The following ART4 variants were observed in gnomAD, a reference collection of about 807,000 sequenced individuals.
The protein encoded by ART4 is ecto-ADP-ribosyltransferase 4.
In ART4, 14 loss-of-function variants were observed where a neutral mutation model predicts 24.2. The observed-to-expected ratio is 0.58, with a 90% CI of 0.38 to 0.90. The LOEUF is 0.90. ART4 is among the 40% of genes least tolerant of loss of function. ART4 has a pLI of 0.00. For synonymous variants in ART4, 145 were observed against 139.9 expected (o/e 1.04, Z -0.26); for missense variants, 356 against 366.6 (o/e 0.97, Z 0.24).
In ART4 at chr12:14,828,549, G is replaced by A. The variant is rs1202534137; in HGVS notation, c.*822C>T. 2 of 151,930 alleles carry A rather than the reference G, an allele frequency of 1.3e-5. No homozygotes were observed. The highest frequency in any genetic ancestry group is 4.8e-5 in the African/African-American group (2 of 41,336). The allele number at this position is 151,930 out of a possible 1,614,324, so 9.4% of individuals were successfully genotyped here. A position where few individuals can be genotyped will look rare whatever the true frequency, so the allele number is the denominator to read the frequency against. ...AATCTCTGGGGTTCAAAGCTTTTCTGTTTGGTGAAGAATTTGTCCTTTGCT... is the reference window on the plus strand; with the variant it reads ...AATCTCTGGGGTTCAAAGCTTTTCTATTTGGTGAAGAATTTGTCCTTTGCT... On this transcript the variant is annotated 3_prime_UTR_variant, in exon 3 of 3. Coordinates refer to ENST00000228936, the MANE Select transcript of ART4 (RefSeq NM_021071.4).
rs1450568693 is a variant in ART4 at position 14,828,398 on chromosome 12, C to T, written c.*973G>A. The T allele has an allele frequency of 6.6e-6, 1 of 152,174 alleles. No homozygotes were observed. Among genetic ancestry groups the T allele is most frequent in the Non-Finnish European group, 1.5e-5 (1 of 68,034 alleles). The allele number at this position is 152,174 out of a possible 1,614,324, so 9.4% of individuals were successfully genotyped here. ...CCATTACTGCTGGTGAATGAAATTTCACTAACATCTTTCATTAACTTTCCC... is the reference window on the plus strand; with the variant it reads ...CCATTACTGCTGGTGAATGAAATTTTACTAACATCTTTCATTAACTTTCCC... On this transcript the variant is annotated 3_prime_UTR_variant, in exon 3 of 3. Coordinates refer to ENST00000228936, the MANE Select transcript of ART4 (RefSeq NM_021071.4).
At chr12:14,836,396 GCTA>G (rs1439664920) in intron 2 of ART4, among the ~76,000 whole-genome samples, 2 of 151,938 alleles carry the variant, frequency 1.3e-5, no homozygotes, top group Non-Finnish European at 2.9e-5. Context: ...AACCGAGAGG[GCTA>G]CTAAGTGACT....
In ART4 at chr12:14,842,988, TC is replaced by T; in HGVS notation, c.125del (p.Arg42AsnfsTer36). On this transcript the variant is annotated frameshift_variant, in exon 1 of 3. Coordinates refer to ENST00000228936, the MANE Select transcript of ART4 (RefSeq NM_021071.4). LOFTEE classifies it high-confidence loss of function. The part of the protein sequence containing the change: ...PFLLLLSGLQ[R>X]PTEGSEVAIK... ...CCCCTACCTCAGAACCCTCTGTGGG[TC>T]TCTGCAGGCCAGAGAGGAGCAGCAG... 6 of 1,613,084 alleles carry T rather than the reference TC, an allele frequency of 3.7e-6. No individual in the cohort carries two copies. The highest frequency in any genetic ancestry group is 3.4e-6 in the Non-Finnish European group (4 of 1,179,598).
rs1040367379 is a variant in ART4 at position 14,828,051 on chromosome 12, G to A, written c.*1320C>T. 2 of 152,138 alleles carry A rather than the reference G, an allele frequency of 1.3e-5. No individual in the cohort carries two copies. Among genetic ancestry groups the A allele is most frequent in the African/African-American group, 2.4e-5 (1 of 41,422 alleles). The allele number at this position is 152,138 out of a possible 1,614,324, so 9.4% of individuals were successfully genotyped here. On this transcript the variant is annotated 3_prime_UTR_variant, in exon 3 of 3. Coordinates refer to ENST00000228936, the MANE Select transcript of ART4 (RefSeq NM_021071.4). ...ACCAGGGTCTTCAGTGATCGTGATC[G>A]GGTTAAATAATCCCTTATGTCGCTA...
In ART4 at chr12:14,826,604, A is replaced by G; in HGVS notation, c.*2767T>C. ...CTCAGAAAATTATGACTTCTCATGG[A>G]AATCAAATGCTTTTGGCTGACTTTT... On this transcript the variant is annotated 3_prime_UTR_variant, in exon 3 of 3. Coordinates refer to ENST00000228936, the MANE Select transcript of ART4 (RefSeq NM_021071.4). 1 of 152,238 alleles carries G rather than the reference A, an allele frequency of 6.6e-6. No individual in the cohort carries two copies. The allele number at this position is 152,238 out of a possible 1,614,324, so 9.4% of individuals were successfully genotyped here.
intron 2 of ART4, among the ~76,000 whole-genome samples, chr12:14,832,982 A>G (rs1017293950): frequency 1.3e-5 from 2 of 152,188 alleles, no homozygotes; most frequent in Admixed American, 6.5e-5. Context: ...ATTACAAACT[A>G]AAGTTTTATT....
intron 2 of ART4, among the ~76,000 whole-genome samples, chr12:14,835,753 G>A (rs976480103): frequency 6.6e-6 from 1 of 151,722 alleles, no homozygotes; most frequent in African/African-American, 2.4e-5. Context: ...TTACAGGCTC[G>A]TGCCACCACT....
At chr12:14,839,646 C>A (rs914591038) in intron 2 of ART4, among the ~76,000 whole-genome samples, 1 of 152,176 alleles carries the variant, frequency 6.6e-6, no homozygotes, top group South Asian at 2.1e-4. Flanking sequence ...CCAATCATCT[C>A]TTATTAGGAA....
At chr12:14,829,724 T>C (rs1950381436) in intron 2 of ART4, among the ~76,000 whole-genome samples, 1 of 152,196 alleles carries the variant, frequency 6.6e-6, no homozygotes, top group Non-Finnish European at 1.5e-5. Flanking sequence ...TCCATCTTTA[T>C]CATCACCAGC....
chr12:14,838,742 C>T (rs905495557), intron 2 of ART4, among the ~76,000 whole-genome samples: 2 of 152,140 alleles, frequency 1.3e-5, no homozygotes, highest in African/African-American at 4.8e-5. Context: ...ACTTTTGCAA[C>T]ACTACTGCCC....
chr12:14,829,523 A>G, intron 2 of ART4, 61 bp from the exon 3 acceptor site: 1 of 1,162,638 alleles, frequency 8.6e-7, no homozygotes, highest in Non-Finnish European at 1.3e-6. Context: ...AAACTACCTC[A>G]TCTATCCATT....
rs1592247254 is a variant in ART4, at chr12:14,829,391, A to G, written c.925T>C (p.Phe309Leu). The G allele has an allele frequency of 6.3e-7, 1 of 1,597,006 alleles. No homozygotes were observed. The highest frequency in any genetic ancestry group is 2.3e-5 in the East Asian group (1 of 44,280). Residue 309 changes from phenylalanine to leucine, a missense_variant, in exon 3 of 3, where the codon TTT becomes CTT. Coordinates refer to ENST00000228936, the MANE Select transcript of ART4 (RefSeq NM_021071.4). ...TTTCTTTATACTCTGCTTTTGGAAA[A>G]GATGATGACACTGGTCAAAAAGGAG... Reference protein sequence around the residue: ...SLSFLTSVIIFSKSRV With the variant: ...SLSFLTSVIILSKSRV
At chr12:14,838,890 A>G (rs1950447421) in intron 2 of ART4, among the ~76,000 whole-genome samples, 1 of 148,254 alleles carries the variant, frequency 6.7e-6, no homozygotes, top group East Asian at 1.9e-4. Flanking sequence ...AAATTTACAT[A>G]TGAACAGTCT....
In ART4 at chr12:14,825,824, G is replaced by A. The variant is rs529694303; in HGVS notation, c.*3547C>T. The A allele has an allele frequency of 9.2e-5, 14 of 152,088 alleles. No homozygotes were observed. Among genetic ancestry groups the A allele is most frequent in the Non-Finnish European group, 1.3e-4 (9 of 68,002 alleles). 9.4% of individuals were successfully genotyped at this position (152,088 alleles called of 1,614,324 possible). On this transcript the variant is annotated 3_prime_UTR_variant, in exon 3 of 3. Transcript: ENST00000228936. ...AGAACTTCAGGATAATCTAATAGGC[G>A]TATTAAAGAGAACACCTTGTTATAA...
chr12:14,829,619 T>C (rs1950380767), intron 2 of ART4, among the ~76,000 whole-genome samples, 157 bp from the exon 3 acceptor site: 1 of 152,216 alleles, frequency 6.6e-6, no homozygotes, highest in African/African-American at 2.4e-5. Flanking sequence ...TTTTCTAACA[T>C]AACTTGCTTA....
intron 1 of ART4, among the ~76,000 whole-genome samples, chr12:14,841,941 C>A (rs1863057486): frequency 6.6e-6 from 1 of 152,160 alleles, no homozygotes; most frequent in Non-Finnish European, 1.5e-5. Flanking sequence ...TTGTTTTTTC[C>A]CATGTTACCA....
chr12:14,834,295 C>T (rs1489968340), intron 2 of ART4, among the ~76,000 whole-genome samples: 1 of 151,964 alleles, frequency 6.6e-6, no homozygotes, highest in African/African-American at 2.4e-5. Flanking sequence ...TGTGATGCCA[C>T]AAATAGGGTA....
At chr12:14,839,857 G>C (rs1950454561) in intron 2 of ART4, among the ~76,000 whole-genome samples, 1 of 152,142 alleles carries the variant, frequency 6.6e-6, no homozygotes, top group Non-Finnish European at 1.5e-5. Flanking sequence ...CACTTTTCCT[G>C]GAGAGAATGA....
At chr12:14,834,334 G>T (rs1028916216) in intron 2 of ART4, among the ~76,000 whole-genome samples, 1 of 152,028 alleles carries the variant, frequency 6.6e-6, no homozygotes, top group Non-Finnish European at 1.5e-5. Context: ...GAAGCCCAGA[G>T]TAAAAGAAAA....
Sources: allele counts gnomAD v4.1 joint callset (sites outside exome capture counted in the v4.1 genomes callset), GRCh38; gene constraint gnomAD v4.1.1; transcripts MANE v1.5; gene names NCBI Gene and HGNC (gene_info 2026-07-23, HGNC 2026-07-21).